Variants in MUSK observed in about 807,000 individuals in gnomAD.
The protein encoded by MUSK is muscle, skeletal receptor tyrosine-protein kinase.
MUSK carries 55 observed loss-of-function variants against 88.7 expected under a neutral mutation model. The ratio of observed to expected loss-of-function variants is 0.62; its 90% CI spans 0.50 to 0.78. MUSK has a LOEUF of 0.78. Ranked by LOEUF, MUSK falls within the 30% of genes least tolerant of loss-of-function variation. The pLI is 0.00. For missense variants in MUSK, 1,015 were observed against 1,074.3 expected (o/e 0.94, Z 0.77); for synonymous variants, 387 against 391.9 (o/e 0.99, Z 0.15).
intron 1 of MUSK, among the ~76,000 whole-genome samples, chr9:110,674,356 G>A (rs1053552073): frequency 7.9e-5 from 12 of 152,194 alleles, no homozygotes; most frequent in South Asian, 4.1e-4. Flanking sequence ...GATTATAAAT[G>A]TATACAACTT....
intron 11 of MUSK, among the ~76,000 whole-genome samples, chr9:110,780,866 T>C (rs941793134): frequency 1.2e-4 from 18 of 152,344 alleles, no homozygotes; most frequent in Non-Finnish European, 1.9e-4. Context: ...TAGGGCTTCA[T>C]GTTGGGAGCT....
At chr9:110,697,251 G>A (rs1176214175) in intron 4 of MUSK, 74 bp from the exon 5 acceptor site, 1 of 1,488,954 alleles carries the variant, frequency 6.7e-7, no homozygotes, top group African/African-American at 1.4e-5. Flanking sequence ...ATGACAATAA[G>A]TTGATGATAT....
chr9:110,697,445 G>A lies in MUSK; in HGVS notation c.607G>A (p.Val203Met). ...CAGCCTCGGGACAGCATATTCCAAA[G>A]TGGTGAAGCTGGAAGTTGAGGGTAA... ...KNSLGTAYSK[V>M]VKLEVEVFAR... Residue 203 changes from valine to methionine, a missense_variant, in exon 5 of 15, where the codon GTG (valine) becomes ATG (methionine). By Grantham distance (21) the Val-to-Met change is conservative. Coordinates refer to ENST00000374448, the MANE Select transcript of MUSK (RefSeq NM_005592.4). 6.2e-7 allele frequency: 1 copy of A among 1,608,072 alleles called. No individual in the cohort carries two copies.
chr9:110,778,270 G>C, intron 11 of MUSK, among the ~76,000 whole-genome samples: 1 of 152,032 alleles, frequency 6.6e-6, no homozygotes, highest in East Asian at 1.9e-4. Context: ...AGCAGGCAAT[G>C]CCTTTGTGCT....
intron 1 of MUSK, 42 bp from the exon 2 acceptor site, chr9:110,682,632 A>G: frequency 6.2e-7 from 1 of 1,600,058 alleles, no homozygotes; most frequent in Non-Finnish European, 8.5e-7. Context: ...TTAGTAAACA[A>G]AATTCTAGAA....
At chr9:110,787,928 C>T (rs1301666520) in intron 14 of MUSK, 90 bp downstream of exon 14, 2 of 1,418,944 alleles carry the variant, frequency 1.4e-6, no homozygotes, top group African/African-American at 1.4e-5. Context: ...TTCCTTTTCT[C>T]CTTGATCAGT....
intron 9 of MUSK, chr9:110,775,469 G>T: frequency 3.0e-6 from 1 of 337,336 alleles, no homozygotes; most frequent in South Asian, 2.8e-5. Flanking sequence ...TACCTGTGTT[G>T]TTATTTGAAT....
chr9:110,746,781 G>C (rs1007022003), intron 6 of MUSK, among the ~76,000 whole-genome samples: 1 of 152,168 alleles, frequency 6.6e-6, no homozygotes, highest in African/African-American at 2.4e-5. Context: ...TTCCTACTAA[G>C]GATGTTTTCG....
chr9:110,805,934 A>T lies in MUSK; in HGVS notation c.*4946A>T, dbSNP rs1308045155. On this transcript the variant is annotated 3_prime_UTR_variant, in exon 15 of 15. Transcript: ENST00000374448. Reference sequence around the variant, plus strand: ...ATTAGCATTGTATTAGGAAAAACTCAGGAGTTTTTCTCTATAATCTTGGTT... The same window carrying T: ...ATTAGCATTGTATTAGGAAAAACTCTGGAGTTTTTCTCTATAATCTTGGTT... 2.6e-5 allele frequency among the ~76,000 whole-genome samples: 4 copies of T among 152,074 alleles called. No homozygotes were observed. Among genetic ancestry groups the T allele is most frequent in the African/African-American group, 9.7e-5 (4 of 41,446 alleles).
At chr9:110,672,855 C>T (rs2075977800) in intron 1 of MUSK, among the ~76,000 whole-genome samples, 1 of 152,020 alleles carries the variant, frequency 6.6e-6, no homozygotes, top group South Asian at 2.1e-4. Context: ...CCATAAAATA[C>T]AAAGGAAAGG....
intron 5 of MUSK, among the ~76,000 whole-genome samples, chr9:110,710,471 C>T (rs1176295831): frequency 1.3e-5 from 2 of 152,088 alleles, no homozygotes; most frequent in Non-Finnish European, 2.9e-5. Flanking sequence ...TGACATCTAT[C>T]CAGAGAATAC....
chr9:110,720,461 C>T (rs530024447), intron 5 of MUSK, among the ~76,000 whole-genome samples: 136 of 152,086 alleles, frequency 8.9e-4, no homozygotes, highest in Non-Finnish European at 1.5e-3. Flanking sequence ...CTAATATGAA[C>T]ACCTTTATGG....
intron 14 of MUSK, among the ~76,000 whole-genome samples, chr9:110,789,514 C>T (rs2077936037): frequency 6.6e-6 from 1 of 152,202 alleles, no homozygotes; most frequent in African/African-American, 2.4e-5. Context: ...CACTGTGGCT[C>T]ACGCCTGTAA....
At chr9:110,719,993 T>C (rs1448553754) in intron 5 of MUSK, among the ~76,000 whole-genome samples, 1 of 152,078 alleles carries the variant, frequency 6.6e-6, no homozygotes, top group Non-Finnish European at 1.5e-5. Context: ...TGAATGATTG[T>C]TGGGTCAACA....
At chr9:110,698,976 A>T (rs1044769863) in intron 5 of MUSK, among the ~76,000 whole-genome samples, 32 of 152,280 alleles carry the variant, frequency 2.1e-4, no homozygotes, top group African/African-American at 6.3e-4. Flanking sequence ...AATATCACAA[A>T]GAGTTTTTCT....
At chr9:110,735,009 G>T (rs1345489684) in intron 6 of MUSK, among the ~76,000 whole-genome samples, 1 of 152,122 alleles carries the variant, frequency 6.6e-6, no homozygotes, top group South Asian at 2.1e-4. Flanking sequence ...AATATATGTT[G>T]TATGTGTATG....
At chr9:110,708,992 G>A (rs149751621) in intron 5 of MUSK, among the ~76,000 whole-genome samples, 1 of 152,132 alleles carries the variant, frequency 6.6e-6, no homozygotes, top group African/African-American at 2.4e-5. Context: ...ATAAGTTCAA[G>A]CATACATACA....
chr9:110,683,305 T>G (rs1456791861), intron 2 of MUSK, among the ~76,000 whole-genome samples: 2 of 152,124 alleles, frequency 1.3e-5, no homozygotes, highest in East Asian at 1.9e-4. Context: ...TGCAAATGAC[T>G]GGATCTCATT....
At chr9:110,782,647 T>C (rs2077779754) in intron 11 of MUSK, among the ~76,000 whole-genome samples, 1 of 152,238 alleles carries the variant, frequency 6.6e-6, no homozygotes, top group African/African-American at 2.4e-5. Flanking sequence ...TATCTTTTAA[T>C]AATTGTTCCA....
Sources: gnomAD v4.1 joint callset for allele counts (sites outside exome capture counted in the v4.1 genomes callset) on GRCh38, gnomAD v4.1.1 for gene constraint, MANE v1.5 for transcripts, NCBI Gene and HGNC (gene_info 2026-07-23, HGNC 2026-07-21) for gene names.